The following UVRAG variants were observed in gnomAD, a reference collection of about 807,000 sequenced individuals.
UVRAG encodes the protein UV radiation resistance associated, also known as UV radiation resistance-associated gene protein.
Under a neutral mutation model 78.0 loss-of-function variants are expected in UVRAG, and 19 were observed. The ratio of observed to expected loss-of-function variants is 0.24; its 90% CI spans 0.17 to 0.36. The LOEUF (loss-of-function observed/expected upper bound fraction) is 0.36. Among genes scored for constraint, UVRAG ranks in the 10% least tolerant of loss-of-function variants. UVRAG has a pLI of 1.00. For missense variants in UVRAG, 740 were observed against 853.8 expected, an observed-to-expected ratio of 0.87 and a Z score of 1.66; for synonymous variants, 323 against 324.6, an observed-to-expected ratio of 1.00 and a Z score of 0.05.
At position 76,141,468 on chromosome 11, in the gene UVRAG, A is replaced by C; in HGVS notation, c.*55A>C. 6.6e-7 allele frequency: 1 copy of C among 1,504,916 alleles called. No individual in the cohort carries two copies. Among genetic ancestry groups the C allele is most frequent in the Non-Finnish European group, 9.1e-7 (1 of 1,102,884 alleles). The allele number at this position is 1,504,916 out of a possible 1,614,324, so 93.2% of individuals were successfully genotyped here. A position where few individuals can be genotyped will look rare whatever the true frequency, so the allele number is the denominator to read the frequency against. On this transcript the variant is annotated 3_prime_UTR_variant, in exon 15 of 15. Transcript: ENST00000356136. ...AGAAGCTCTGCCTAAAATGAAGTGA[A>C]AGCTGCACTTAACCCTTTGTGATAA... is the stretch of plus-strand genomic sequence containing the variant.
At chr11:75,888,295 G>A (rs1166209128) in intron 4 of UVRAG, among the ~76,000 whole-genome samples, 3 of 151,754 alleles carry the variant, frequency 2.0e-5, no homozygotes, top group Non-Finnish European at 2.9e-5. Flanking sequence ...CATCATGCCC[G>A]GCTAATATTT....
At chr11:75,961,666 A>C (rs1054595507) in intron 7 of UVRAG, 117 bp downstream of exon 7, 16 of 701,418 alleles carry the variant, frequency 2.3e-5, no homozygotes, top group Non-Finnish European at 3.3e-5. Context: ...TTAATTGTCC[A>C]CAGAGAGTTC....
chr11:75,840,563 G>T (rs1056013776), intron 1 of UVRAG, among the ~76,000 whole-genome samples: 4 of 152,156 alleles, frequency 2.6e-5, no homozygotes, highest in African/African-American at 9.7e-5. Flanking sequence ...TTATAATTTA[G>T]TGCTTAGTAA....
chr11:75,876,083 G>T (rs1235001664), intron 3 of UVRAG, among the ~76,000 whole-genome samples: 1 of 151,918 alleles, frequency 6.6e-6, no homozygotes, highest in African/African-American at 2.4e-5. Flanking sequence ...ATGGCTTCAC[G>T]ACAAAGACCT....
intron 7 of UVRAG, among the ~76,000 whole-genome samples, chr11:75,972,256 T>C (rs749886673): frequency 5.3e-5 from 8 of 152,158 alleles, no homozygotes; most frequent in Admixed American, 1.3e-4. Context: ...TTTTCATGGA[T>C]CTTGCTTTTG....
chr11:76,063,828 T>A (rs1951137188), intron 12 of UVRAG, among the ~76,000 whole-genome samples: 1 of 152,222 alleles, frequency 6.6e-6, no homozygotes, highest in African/African-American at 2.4e-5. Flanking sequence ...GATTTGTATC[T>A]TATGTTCTGA....
At chr11:76,047,555 A>T (rs1950783315) in intron 12 of UVRAG, among the ~76,000 whole-genome samples, 1 of 152,182 alleles carries the variant, frequency 6.6e-6, no homozygotes, top group South Asian at 2.1e-4. Context: ...GAGAAGGACA[A>T]GGGAAGGGAA....
rs1054859035 is a variant in UVRAG at position 76,078,517 on chromosome 11, A to T, written c.1305+12729A>T. Reference sequence around the variant, plus strand: ...TTAAATAATTAAATTATTTAGGTAGATGCAATGAAAGGAATGAAATTTTGT... The same window carrying T: ...TTAAATAATTAAATTATTTAGGTAGTTGCAATGAAAGGAATGAAATTTTGT... On this transcript the variant is annotated intron_variant, in intron 13 of 14. Transcript: ENST00000356136. Among the ~76,000 whole-genome samples the T allele has an allele frequency of 2.0e-5, 3 of 151,960 alleles. No homozygotes were observed. The East Asian group carries it at 5.8e-4, about 29-fold the overall frequency.
Position 75,815,468 on chromosome 11 carries a change from G to C in UVRAG, c.61G>C (p.Ala21Pro). Reference sequence around the variant, plus strand: ...CCAGCCACCCCCGGGCCCGGCCGCTGCTCTGCCTCCCGGTTCTGCCGCGCG... The same window carrying C: ...CCAGCCACCCCCGGGCCCGGCCGCTCCTCTGCCTCCCGGTTCTGCCGCGCG... Reference protein sequence around the residue: ...VPQPPPGPAAALPPGSAARAL... With the variant: ...VPQPPPGPAAPLPPGSAARAL... The change falls in exon 1 of 15, where the codon GCT (alanine) becomes CCT (proline). Residue 21 changes from alanine to proline, a missense_variant. Transcript: ENST00000356136. The C allele has an allele frequency of 8.0e-7, 1 of 1,247,020 alleles. No homozygotes were observed. The highest frequency in any genetic ancestry group is 1.0e-6 in the Non-Finnish European group (1 of 995,200). The allele number at this position is 1,247,020 out of a possible 1,614,324, so 77.2% of individuals were successfully genotyped here. A position where few individuals can be genotyped will look rare whatever the true frequency, so the allele number is the denominator to read the frequency against.
chr11:75,906,150 C>A (rs190141614), intron 5 of UVRAG, among the ~76,000 whole-genome samples: 9 of 152,154 alleles, frequency 5.9e-5, no homozygotes, highest in Non-Finnish European at 1.2e-4. Context: ...CTGTTGGGTT[C>A]TTTTTCTACT....
At chr11:76,100,998 G>T (rs1483311329) in intron 13 of UVRAG, among the ~76,000 whole-genome samples, 2 of 152,040 alleles carry the variant, frequency 1.3e-5, no homozygotes, top group Admixed American at 6.6e-5. Context: ...TTTTCTTTAT[G>T]CAGTCTTCCA....
intron 12 of UVRAG, among the ~76,000 whole-genome samples, chr11:76,024,162 A>G (rs139854680): frequency 2.0e-5 from 3 of 152,298 alleles, no homozygotes; most frequent in Admixed American, 2.0e-4. Context: ...TTATCCAGGA[A>G]AATCACTTTG....
intron 13 of UVRAG, among the ~76,000 whole-genome samples, chr11:76,081,852 A>G (rs1951499944): frequency 6.6e-6 from 1 of 151,556 alleles, no homozygotes. Flanking sequence ...AGGTATATTT[A>G]TGTAATCAAA....
chr11:76,061,762 C>G (rs184554043), intron 12 of UVRAG, among the ~76,000 whole-genome samples: 1 of 152,160 alleles, frequency 6.6e-6, no homozygotes, highest in South Asian at 2.1e-4. Context: ...ACACTCACCG[C>G]GAGGGTCCGC....
chr11:75,945,899 C>G (rs1948578543), intron 6 of UVRAG, among the ~76,000 whole-genome samples: 1 of 152,040 alleles, frequency 6.6e-6, no homozygotes, highest in Non-Finnish European at 1.5e-5. Flanking sequence ...TTACCCCCTC[C>G]AAGAAGACTT....
intron 4 of UVRAG, among the ~76,000 whole-genome samples, chr11:75,885,398 C>T (rs1316594975): frequency 6.6e-6 from 1 of 152,078 alleles, no homozygotes; most frequent in Non-Finnish European, 1.5e-5. Context: ...TACATACATA[C>T]AATGACCTGA....
At position 76,021,281 on chromosome 11, in the gene UVRAG, C is replaced by T. The variant is rs149189028; in HGVS notation, c.1226+4301C>T. Among the ~76,000 whole-genome samples, 460 of 152,260 alleles carry T rather than the reference C, an allele frequency of 3.0e-3. 6 individuals are homozygous for T. The highest frequency in any genetic ancestry group is 0.01 in the African/African-American group (433 of 41,558). ...CCTGCAAGGTTAGCAGGGGAACAAT[C>T]GGTGAAAGCATCTATTCAGCCATCT... On this transcript the variant is annotated intron_variant, in intron 12 of 14. Transcript: ENST00000356136.
chr11:76,137,641 G>A (rs760828068), intron 14 of UVRAG: 10 of 361,428 alleles, frequency 2.8e-5, no homozygotes, highest in African/African-American at 1.9e-4. Context: ...GCTCACACCT[G>A]TAATCCCAAT....
At chr11:75,935,128 A>G (rs2135119164) in intron 6 of UVRAG, 2 of 152,354 alleles carry the variant, frequency 1.3e-5, no homozygotes, top group Admixed American at 1.3e-4. Context: ...ATCAACCTTT[A>G]CAAAAAGAAT....
Sources: allele counts gnomAD v4.1 joint callset (sites outside exome capture counted in the v4.1 genomes callset), GRCh38; gene constraint gnomAD v4.1.1; transcripts MANE v1.5; gene names NCBI Gene and HGNC (gene_info 2026-07-23, HGNC 2026-07-21).